The following RFTN1 variants were observed in gnomAD, a reference collection of about 807,000 sequenced individuals.
RFTN1 encodes the protein raftlin.
RFTN1 carries 26 observed loss-of-function variants against 46.5 expected under a neutral mutation model. The observed-to-expected ratio is 0.56, with a 90% confidence interval of 0.41 to 0.78. RFTN1 has a LOEUF of 0.78. Ranked by LOEUF, RFTN1 falls within the 30% of genes least tolerant of loss-of-function variation. The pLI is 0.00. For missense variants in RFTN1, 693 were observed against 718.7 expected, an observed-to-expected ratio of 0.96 and a Z score of 0.41; for synonymous variants, 261 against 284.2, an observed-to-expected ratio of 0.92 and a Z score of 0.82.
rs893452950 is a variant in RFTN1 at position 16,352,887 on chromosome 3, G to C, written c.1146+5045C>G. Among the ~76,000 whole-genome samples, 1 of 152,248 alleles carries C rather than the reference G, an allele frequency of 6.6e-6. No homozygotes were observed. Among genetic ancestry groups the C allele is most frequent in the African/African-American group, 2.4e-5 (1 of 41,466 alleles). On this transcript the variant is annotated intron_variant, in intron 7 of 9. Coordinates refer to ENST00000334133, the MANE Select transcript of RFTN1 (RefSeq NM_015150.2). The surrounding 1 kb of genome is among the most constrained non-coding windows in gnomAD (Gnocchi z 4.6). ...ATCAGAGAGGCAGGATGCACACTCAGGCCAGACTCTGGAATCTCCGCTGTC... is the reference window on the plus strand; with the variant it reads ...ATCAGAGAGGCAGGATGCACACTCACGCCAGACTCTGGAATCTCCGCTGTC...
chr3:16,487,434 G>A lies in RFTN1; in HGVS notation c.145+6291C>T, dbSNP rs117323667. ...AACAGTGTTAAGCTATAGAACTTTC[G>A]GCAATGATAAAAACGTTCTCTGTCT... On this transcript the variant is annotated intron_variant, in intron 2 of 9. Transcript: ENST00000334133. Among the ~76,000 whole-genome samples, 67 of 152,268 alleles carry A rather than the reference G, an allele frequency of 4.4e-4. 1 individual carries two copies. The East Asian group carries it at 0.01, about 23-fold the overall frequency.
At position 16,341,262 on chromosome 3, in the gene RFTN1, T is replaced by C. The variant is rs963287158; in HGVS notation, c.1147-14386A>G. On this transcript the variant is annotated intron_variant, in intron 7 of 9. Transcript: ENST00000334133. This position sits in a 1 kb window ranked among gnomAD's most constrained non-coding sequence, Gnocchi z 4.7. ...ACAGTTTGGCAGTTTCTTACAAAAC[T>C]AGACATACTTTACAATATGATCCAG... Among the ~76,000 whole-genome samples, 1 of 152,220 alleles carries C rather than the reference T, an allele frequency of 6.6e-6. No individual in the cohort carries two copies. Among genetic ancestry groups the C allele is most frequent in the African/African-American group, 2.4e-5 (1 of 41,454 alleles).
intron 2 of RFTN1, among the ~76,000 whole-genome samples, chr3:16,471,327 G>A (rs1457396812): frequency 6.6e-6 from 1 of 152,210 alleles, no homozygotes; most frequent in Non-Finnish European, 1.5e-5. Flanking sequence ...CATTGGTTCT[G>A]AAGTTAGACA....
chr3:16,364,426 G>A lies in RFTN1; in HGVS notation c.1030+5650C>T, dbSNP rs532141627. Among the ~76,000 whole-genome samples the A allele has an allele frequency of 3.9e-5, 6 of 152,320 alleles. No homozygotes were observed. In the East Asian group the frequency reaches 1.2e-3, roughly 29 times the overall value. On this transcript the variant is annotated intron_variant, in intron 6 of 9. Coordinates refer to ENST00000334133, the MANE Select transcript of RFTN1 (RefSeq NM_015150.2). ...TCCTAAAACCTACTCGTTTTCCACA[G>A]TAGACATTGAGCTACTACTATGGTG...
chr3:16,397,591 A>G, intron 4 of RFTN1, among the ~76,000 whole-genome samples: 1 of 152,238 alleles, frequency 6.6e-6, no homozygotes, highest in East Asian at 1.9e-4. Context: ...AACCTTAAAT[A>G]TGTACAATAA....
rs2068941355 is a variant in RFTN1, at chr3:16,320,641, G to C, written c.1332+2735C>G. Among the ~76,000 whole-genome samples the C allele has an allele frequency of 6.6e-6, 1 of 152,242 alleles. No homozygotes were observed. Among genetic ancestry groups the C allele is most frequent in the South Asian group, 2.1e-4 (1 of 4,826 alleles). ...TTCCAGGGTAGTACAAAGGAGTCTG[G>C]TTTGGTATAAAAGGAGACAGCACTG... On this transcript the variant is annotated intron_variant, in intron 9 of 9. Transcript: ENST00000334133. The surrounding 1 kb of genome is among the most constrained non-coding windows in gnomAD (Gnocchi z 4.5).
rs567410528 is a variant in RFTN1 at position 16,336,309 on chromosome 3, G to A, written c.1147-9433C>T. On this transcript the variant is annotated intron_variant, in intron 7 of 9. Coordinates refer to ENST00000334133, the MANE Select transcript of RFTN1 (RefSeq NM_015150.2). This position sits in a 1 kb window ranked among gnomAD's most constrained non-coding sequence, Gnocchi z 6.0. ...ACTTGGGAAGCCTCTTCTGCCCCAG[G>A]AGATCCCAGTCTAGGGGTGGGGAGA... 1.3e-5 allele frequency among the ~76,000 whole-genome samples: 2 copies of A among 152,306 alleles called. No homozygotes were observed. The highest frequency in any genetic ancestry group is 2.4e-5 in the African/African-American group (1 of 41,578).
intron 1 of RFTN1, among the ~76,000 whole-genome samples, chr3:16,501,598 T>C (rs1485017743): frequency 1.3e-5 from 2 of 152,254 alleles, no homozygotes; most frequent in East Asian, 3.8e-4. Flanking sequence ...GGGGCAATTA[T>C]ATGCAATGAT....
rs752636054 is a variant in RFTN1, at chr3:16,370,066, C to A, written c.1030+10G>T. ...AAGGGCCACCCAAGGACTGTGAATTCCAAACATACCATTCACTATTCCAAG... is the reference window on the plus strand; with the variant it reads ...AAGGGCCACCCAAGGACTGTGAATTACAAACATACCATTCACTATTCCAAG... On this transcript the variant is annotated intron_variant, in intron 6 of 9. Coordinates refer to ENST00000334133, the MANE Select transcript of RFTN1 (RefSeq NM_015150.2). This position sits in a 1 kb window ranked among gnomAD's most constrained non-coding sequence, Gnocchi z 5.5. The A allele has an allele frequency of 2.8e-5, 45 of 1,613,450 alleles. 2 individuals carry two copies. The highest frequency in any genetic ancestry group is 1.3e-4 in the South Asian group (12 of 91,058).
At chr3:16,355,294 A>C (rs145016639) in intron 7 of RFTN1, among the ~76,000 whole-genome samples, 1 of 152,350 alleles carries the variant, frequency 6.6e-6, no homozygotes, top group East Asian at 1.9e-4. Flanking sequence ...GTCTCAGTCC[A>C]TTCCTACTCC....
Position 16,320,171 on chromosome 3 carries a change from A to C in RFTN1, c.1333-2939T>G, listed in dbSNP as rs1315515924. On this transcript the variant is annotated intron_variant, in intron 9 of 9. Transcript: ENST00000334133. The surrounding 1 kb of genome is among the most constrained non-coding windows in gnomAD (Gnocchi z 4.5). ...AACTGCCCATGATGTGTCCACTTCA[A>C]GTAGTTTAGCTGGAAGGAAGTCTTC... Among the ~76,000 whole-genome samples the C allele has an allele frequency of 2.6e-5, 4 of 152,220 alleles. No homozygotes were observed. The highest frequency in any genetic ancestry group is 4.4e-5 in the Non-Finnish European group (3 of 68,030).
chr3:16,365,025 T>C (rs1232478225), intron 6 of RFTN1, among the ~76,000 whole-genome samples: 1 of 152,256 alleles, frequency 6.6e-6, no homozygotes, highest in East Asian at 1.9e-4. Flanking sequence ...TGTGCTAAAC[T>C]GCAATAAAAG....
rs909334276 is a variant in RFTN1 at position 16,337,753 on chromosome 3, A to G, written c.1147-10877T>C. Among the ~76,000 whole-genome samples, 12 of 151,922 alleles carry G rather than the reference A, an allele frequency of 7.9e-5. No individual in the cohort carries two copies. Among genetic ancestry groups the G allele is most frequent in the East Asian group, 1.9e-4 (1 of 5,180 alleles). ...GAGACTCCATCTCAAAAAAAAAAAAAAAAAGAAAAGAAAGTCACCTCATTT... is the reference window on the plus strand; with the variant it reads ...GAGACTCCATCTCAAAAAAAAAAAAGAAAAGAAAAGAAAGTCACCTCATTT... On this transcript the variant is annotated intron_variant, in intron 7 of 9. Coordinates refer to ENST00000334133, the MANE Select transcript of RFTN1 (RefSeq NM_015150.2). The surrounding 1 kb of genome is among the most constrained non-coding windows in gnomAD (Gnocchi z 5.0).
At position 16,433,185 on chromosome 3, in the gene RFTN1, T is replaced by TAAA. The variant is rs1553595285; in HGVS notation, c.332+663_332+665dup. Among the ~76,000 whole-genome samples the TAAA allele has an allele frequency of 9.7e-4, 145 of 150,238 alleles. 1 individual carries two copies. The highest frequency in any genetic ancestry group is 3.9e-3 in the East Asian group (20 of 5,150). ...TCCCATCCTCACTGTTTTTTTTTTT[T>TAAA]AAAAAAATTAATATTGTTCCTTTTG... On this transcript the variant is annotated intron_variant, in intron 3 of 9. Transcript: ENST00000334133. This position sits in a 1 kb window ranked among gnomAD's most constrained non-coding sequence, Gnocchi z 4.4.
At position 16,336,953 on chromosome 3, in the gene RFTN1, C is replaced by T. The variant is rs1409816600; in HGVS notation, c.1147-10077G>A. ...GTCCAGGCCACTTTCCAACACAGCT[C>T]GGCAGCTCCTCCCATAAGAGGGAGA... On this transcript the variant is annotated intron_variant, in intron 7 of 9. Coordinates refer to ENST00000334133, the MANE Select transcript of RFTN1 (RefSeq NM_015150.2). The surrounding 1 kb of genome is among the most constrained non-coding windows in gnomAD (Gnocchi z 6.0). Among the ~76,000 whole-genome samples the T allele has an allele frequency of 2.0e-5, 3 of 152,196 alleles. No homozygotes were observed. Among genetic ancestry groups the T allele is most frequent in the Non-Finnish European group, 2.9e-5 (2 of 68,038 alleles).
intron 2 of RFTN1, among the ~76,000 whole-genome samples, chr3:16,435,171 T>A (rs947135648): frequency 1.3e-5 from 2 of 152,232 alleles, no homozygotes; most frequent in Non-Finnish European, 2.9e-5. Flanking sequence ...AATCAAAGAA[T>A]TCATACAAAA....
chr3:16,371,892 A>G (rs550732873), intron 5 of RFTN1, among the ~76,000 whole-genome samples: 38 of 152,318 alleles, frequency 2.5e-4, no homozygotes, highest in Admixed American at 3.9e-4. Flanking sequence ...GTGAGTTCAC[A>G]ATACAAACTT....
At chr3:16,492,271 AAT>A (rs2076548594) in intron 2 of RFTN1, among the ~76,000 whole-genome samples, 1 of 152,192 alleles carries the variant, frequency 6.6e-6, no homozygotes, top group South Asian at 2.1e-4. Context: ...CTCAAGAAGC[AAT>A]TGGAGCCTCC....
At chr3:16,388,011 C>T (rs777484390) in intron 4 of RFTN1, among the ~76,000 whole-genome samples, 3 of 152,214 alleles carry the variant, frequency 2.0e-5, no homozygotes, top group African/African-American at 4.8e-5. Flanking sequence ...TAAGGCTGCT[C>T]GTTTTAACTC....
Sources: allele counts gnomAD v4.1 joint callset (sites outside exome capture counted in the v4.1 genomes callset), GRCh38; gene constraint gnomAD v4.1.1; non-coding constraint Gnocchi (gnomAD v3.1); transcripts MANE v1.5; gene names NCBI Gene and HGNC (gene_info 2026-07-23, HGNC 2026-07-21).